RNF43: variants seen among roughly 807,000 people sequenced by gnomAD.
RNF43 encodes ring finger protein 43.
RNF43 carries 37 observed loss-of-function variants against 78.4 expected under a neutral mutation model. That is an observed-to-expected ratio of 0.47 (90% CI 0.36 to 0.62). The LOEUF (loss-of-function observed/expected upper bound fraction) is 0.62, where lower values mean the gene tolerates loss of function less well. Among genes scored for constraint, RNF43 ranks in the 20% least tolerant of loss-of-function variants. The pLI is 0.00. For synonymous variants in RNF43, 347 were observed against 395.0 expected, an observed-to-expected ratio of 0.88 and a Z score of 1.44; for missense variants, 774 against 1,007.9, an observed-to-expected ratio of 0.77 and a Z score of 3.14.
intron 2 of RNF43, chr17:58,402,676 T>C (rs1474130166): frequency 6.6e-6 from 1 of 152,224 alleles, no homozygotes; most frequent in Non-Finnish European, 1.5e-5. Flanking sequence ...GTCTTAATTT[T>C]CTTCAAATGA....
At position 58,362,533 on chromosome 17, in the gene RNF43, A is replaced by G; in HGVS notation, c.687+11T>C. On this transcript the variant is annotated intron_variant, in intron 6 of 9. Coordinates refer to ENST00000407977, the MANE Select transcript of RNF43 (RefSeq NM_017763.6). Reference sequence around the variant, plus strand: ...CACGTTCACCGCCGCCAAAGACCCCACACTGCTCACCGGCCTGCTGTGGCG... The same window carrying G: ...CACGTTCACCGCCGCCAAAGACCCCGCACTGCTCACCGGCCTGCTGTGGCG... 6.2e-7 allele frequency: 1 copy of G among 1,602,202 alleles called. No homozygotes were observed. Among genetic ancestry groups the G allele is most frequent in the Non-Finnish European group, 8.5e-7 (1 of 1,173,674 alleles).
rs2143443093 is a variant in RNF43, at chr17:58,360,704, C to T, written c.849+79G>A. On this transcript the variant is annotated intron_variant, in intron 7 of 9. Transcript: ENST00000407977. The surrounding 1 kb of genome is among the most constrained non-coding windows in gnomAD (Gnocchi z 4.3). ...GATGTAGCCAGGGTACCCATACCAG[C>T]CCCTAGGCCTGCCCACCCCTCCCCC... is the stretch of plus-strand genomic sequence containing the variant. 1.4e-6 allele frequency: 2 copies of T among 1,449,316 alleles called. No homozygotes were observed. Among genetic ancestry groups the T allele is most frequent in the South Asian group, 1.4e-5 (1 of 73,726 alleles). The allele number at this position is 1,449,316 out of a possible 1,614,324, so 89.8% of individuals were successfully genotyped here. A position where few individuals can be genotyped will look rare whatever the true frequency, so the allele number is the denominator to read the frequency against.
intron 3 of RNF43, among the ~76,000 whole-genome samples, chr17:58,370,082 T>G (rs1349115793): frequency 7.4e-6 from 1 of 134,690 alleles, no homozygotes; most frequent in Admixed American, 7.7e-5. Context: ...TTTTTTTTTT[T>G]TTTTGAGACA....
intron 3 of RNF43, among the ~76,000 whole-genome samples, chr17:58,366,465 C>T (rs1027966401): frequency 6.6e-6 from 1 of 152,204 alleles, no homozygotes; most frequent in Admixed American, 6.5e-5. Context: ...ATTTCTGCTC[C>T]TACTGGGCTG....
chr17:58,357,316 T>C lies in RNF43; in HGVS notation c.2308+152A>G. Reference sequence around the variant, plus strand: ...TGTTCCTGCACTCTAGCCAGCATGATACGCTGTCCCGATGGTTAAGTATTT... The same window carrying C: ...TGTTCCTGCACTCTAGCCAGCATGACACGCTGTCCCGATGGTTAAGTATTT... On this transcript the variant is annotated intron_variant, in intron 9 of 9. Coordinates refer to ENST00000407977, the MANE Select transcript of RNF43 (RefSeq NM_017763.6). This position sits in a 1 kb window ranked among gnomAD's most constrained non-coding sequence, Gnocchi z 4.5. The C allele has an allele frequency of 2.1e-6, 2 of 965,074 alleles. No homozygotes were observed. Among genetic ancestry groups the C allele is most frequent in the Admixed American group, 2.0e-5 (1 of 51,258 alleles). 59.8% of individuals were successfully genotyped at this position (965,074 alleles called of 1,614,324 possible).
intron 2 of RNF43, among the ~76,000 whole-genome samples, chr17:58,403,135 T>G (rs1414159868): frequency 6.6e-6 from 1 of 152,112 alleles, no homozygotes; most frequent in East Asian, 1.9e-4. Flanking sequence ...ATACATGAAT[T>G]AAGTCCAGAT....
At chr17:58,398,740 C>CA (rs1428235191) in intron 2 of RNF43, among the ~76,000 whole-genome samples, 1 of 152,058 alleles carries the variant, frequency 6.6e-6, no homozygotes, top group East Asian at 1.9e-4. Flanking sequence ...AAGTAAAGGT[C>CA]AAAAAAGGAA....
chr17:58,372,933 G>A (rs1973131236), intron 2 of RNF43, among the ~76,000 whole-genome samples: 1 of 152,188 alleles, frequency 6.6e-6, no homozygotes, highest in Admixed American at 6.5e-5. Flanking sequence ...GGCACGAAAG[G>A]GAAGGCAGGA....
intron 2 of RNF43, among the ~76,000 whole-genome samples, chr17:58,380,719 A>C (rs377223398): frequency 6.6e-6 from 1 of 152,248 alleles, no homozygotes; most frequent in African/African-American, 2.4e-5. Flanking sequence ...CTACCGGCAG[A>C]GCTACTTGAG....
chr17:58,394,586 GC>G (rs1973634551), intron 2 of RNF43, among the ~76,000 whole-genome samples: 2 of 152,234 alleles, frequency 1.3e-5, no homozygotes. Flanking sequence ...TACACCTGGA[GC>G]ACTTCCTATC....
intron 2 of RNF43, among the ~76,000 whole-genome samples, chr17:58,406,447 T>C (rs1973912107): frequency 6.6e-6 from 1 of 152,218 alleles, no homozygotes; most frequent in Non-Finnish European, 1.5e-5. Context: ...AATTTGATGA[T>C]TATATTTCAC....
intron 2 of RNF43, among the ~76,000 whole-genome samples, chr17:58,372,111 G>A (rs184933119): frequency 1.1e-4 from 17 of 152,312 alleles, no homozygotes; most frequent in African/African-American, 3.8e-4. Context: ...GTTGATGTCT[G>A]AAGGACTTCC....
At position 58,355,860 on chromosome 17, in the gene RNF43, C is replaced by T. The variant is rs191686721; in HGVS notation, c.2309-874G>A. Among the ~76,000 whole-genome samples, 5 of 152,328 alleles carry T rather than the reference C, an allele frequency of 3.3e-5. No homozygotes were observed. The East Asian group carries it at 9.6e-4, about 29-fold the overall frequency. ...AAGAGGGAAGGGAAGAGCTAGGAGG[C>T]TCCTGCATGGATCTTTAGGGTATAC... On this transcript the variant is annotated intron_variant, in intron 9 of 9. Transcript: ENST00000407977.
At chr17:58,363,974 G>A (rs997299234) in intron 3 of RNF43, among the ~76,000 whole-genome samples, 1 of 152,196 alleles carries the variant, frequency 6.6e-6, no homozygotes, top group Non-Finnish European at 1.5e-5. Context: ...AGCACGAAGA[G>A]TAGGAGGGAC....
Position 58,358,538 on chromosome 17 carries a change from G to A in RNF43, c.1238C>T (p.Ala413Val), listed in dbSNP as rs762928023. 11 of 1,612,572 alleles carry A rather than the reference G, an allele frequency of 6.8e-6. No individual in the cohort carries two copies. The East Asian group carries it at 2.2e-4, about 33-fold the overall frequency. ...QRLAGAQHPYAQGWGLSHLQS... is the reference protein window; with the variant it reads ...QRLAGAQHPYVQGWGLSHLQS... The stretch of plus-strand genomic sequence containing the variant: ...GAGGTGGCTCAGTCCCCAGCCTTGT[G>A]CATAGGGGTGCTGGGCTCCTGCCAG... Residue 413 changes from alanine to valine, a missense_variant, in exon 9 of 10, where the codon GCA becomes GTA. Coordinates refer to ENST00000407977, the MANE Select transcript of RNF43 (RefSeq NM_017763.6). The surrounding 1 kb of genome is among the most constrained non-coding windows in gnomAD (Gnocchi z 6.2).
At position 58,360,215 on chromosome 17, in the gene RNF43, G is replaced by A. The variant is rs1318890868; in HGVS notation, c.886C>T (p.Arg296Cys). The change falls in exon 8 of 10, where the codon CGT becomes TGT. Residue 296 changes from arginine to cysteine, a missense_variant. By Grantham distance (180) the Arg-to-Cys change is radical. Transcript: ENST00000407977. The surrounding 1 kb of genome is among the most constrained non-coding windows in gnomAD (Gnocchi z 4.3). ...TGTAACCAGGGGTCCACACAGTTAC[G>A]ATGGAACTCATGGAGGCAGGAAATG... is the stretch of plus-strand genomic sequence containing the variant. ...RVISCLHEFHRNCVDPWLHQH... is the reference protein window; with the variant it reads ...RVISCLHEFHCNCVDPWLHQH... The A allele has an allele frequency of 6.2e-6, 10 of 1,613,992 alleles. No individual in the cohort carries two copies. Among genetic ancestry groups the A allele is most frequent in the Middle Eastern group, 1.6e-4 (1 of 6,082 alleles).
chr17:58,370,077 T>TTTG, intron 3 of RNF43, among the ~76,000 whole-genome samples: 2 of 126,570 alleles, frequency 1.6e-5, no homozygotes, highest in Non-Finnish European at 3.5e-5. Flanking sequence ...TTTTTTTTTT[T>TTTG]TTTTTTTTTG....
intron 2 of RNF43, among the ~76,000 whole-genome samples, chr17:58,405,793 AATGCATTT>A (rs1428951911): frequency 6.6e-6 from 1 of 152,180 alleles, no homozygotes; most frequent in African/African-American, 2.4e-5. Context: ...TCAGCACTCT[AATGCATTT>A]ATGCCTACAC....
At chr17:58,410,919 A>G (rs2143679815) in intron 2 of RNF43, among the ~76,000 whole-genome samples, 1 of 152,332 alleles carries the variant, frequency 6.6e-6, no homozygotes, top group African/African-American at 2.4e-5. Flanking sequence ...CTATACTGAT[A>G]TTCTCTTCAT....
Sources: allele counts gnomAD v4.1 joint callset (sites outside exome capture counted in the v4.1 genomes callset), GRCh38; gene constraint gnomAD v4.1.1; non-coding constraint Gnocchi (gnomAD v3.1); transcripts MANE v1.5; gene names NCBI Gene and HGNC (gene_info 2026-07-23, HGNC 2026-07-21).